MTUS2: variants seen among roughly 807,000 people sequenced by gnomAD.
The protein encoded by MTUS2 is microtubule-associated tumor suppressor candidate 2.
In MTUS2, 40 loss-of-function variants were observed where a neutral mutation model predicts 114.1. The ratio of observed to expected loss-of-function variants is 0.35; its 90% CI spans 0.27 to 0.46. The LOEUF is 0.46. MTUS2 is among the 20% of genes least tolerant of loss of function. The pLI, the probability that MTUS2 is intolerant of heterozygous loss-of-function variation, is 1.00. For missense variants in MTUS2, 1,679 were observed against 1,705.4 expected (o/e 0.98, Z 0.27); for synonymous variants, 688 against 672.0 (o/e 1.02, Z -0.37).
At position 29,024,956 on chromosome 13, in the gene MTUS2, A is replaced by G. The variant is rs777470138; in HGVS notation, c.258A>G (p.Lys86=). 2.5e-6 allele frequency: 4 copies of G among 1,613,674 alleles called. No homozygotes were observed. The highest frequency in any genetic ancestry group is 1.1e-5 in the South Asian group (1 of 91,032). ...KEFHQLQGFG[K]GSQAGSASLK... ...TTCACCAACTTCAGGGCTTTGGGAA[A>G]GGCTCTCAGGCTGGCTCTGCCAGCC... Residue 86 remains lysine, a synonymous_variant, in exon 3 of 16, where the codon AAA becomes AAG. Coordinates refer to ENST00000612955, the MANE Select transcript of MTUS2 (RefSeq NM_001033602.4).
chr13:29,048,220 GGTC>G (rs1887726118), intron 4 of MTUS2, among the ~76,000 whole-genome samples: 2 of 151,850 alleles, frequency 1.3e-5, no homozygotes, highest in Admixed American at 1.3e-4. Flanking sequence ...TTCTTATTTA[GGTC>G]CTTTTTATGT....
At chr13:29,290,010 G>A (rs558013664) in intron 6 of MTUS2, among the ~76,000 whole-genome samples, 9 of 152,216 alleles carry the variant, frequency 5.9e-5, no homozygotes, top group Admixed American at 5.9e-4. Context: ...TCAGAAACCT[G>A]CATTCACTAG....
At chr13:29,189,646 CTTGT>C (rs142671381) in intron 5 of MTUS2, among the ~76,000 whole-genome samples, 3,717 of 152,002 alleles carry the variant, frequency 0.024, 146 homozygotes, top group African/African-American at 0.084. Context: ...TCCACCATGT[CTTGT>C]TTGTTTTACT....
intron 8 of MTUS2, among the ~76,000 whole-genome samples, chr13:29,369,499 C>T (rs1871032747): frequency 6.6e-6 from 1 of 152,224 alleles, no homozygotes; most frequent in Non-Finnish European, 1.5e-5. Flanking sequence ...ATTAAGAACA[C>T]ACAGCTCAGC....
chr13:29,340,677 G>A (rs544579910), intron 7 of MTUS2, among the ~76,000 whole-genome samples: 3 of 152,088 alleles, frequency 2.0e-5, no homozygotes, highest in African/African-American at 7.2e-5. Context: ...GTAGTTTTTG[G>A]GGGAAAGGTG....
chr13:29,155,730 G>T (rs986213669), intron 5 of MTUS2, among the ~76,000 whole-genome samples: 1 of 152,002 alleles, frequency 6.6e-6, no homozygotes, highest in African/African-American at 2.4e-5. Flanking sequence ...TATATAAGCA[G>T]AAGTTGAATT....
At chr13:28,852,414 AG>A (rs1440350429) in intron 2 of MTUS2, among the ~76,000 whole-genome samples, 1 of 152,164 alleles carries the variant, frequency 6.6e-6, no homozygotes, top group Non-Finnish European at 1.5e-5. Context: ...TAGAAAAAAA[AG>A]TGAGTGAAAC....
chr13:29,054,821 T>C (rs1391139254), intron 4 of MTUS2, among the ~76,000 whole-genome samples: 1 of 152,170 alleles, frequency 6.6e-6, no homozygotes, highest in Non-Finnish European at 1.5e-5. Flanking sequence ...ATTTCTCTCA[T>C]GACATATTTG....
intron 1 of MTUS2, among the ~76,000 whole-genome samples, chr13:28,821,307 G>A (rs1873883523): frequency 6.6e-6 from 1 of 152,068 alleles, no homozygotes; most frequent in Non-Finnish European, 1.5e-5. Flanking sequence ...AAAGTCATTA[G>A]GTATAATTGT....
At chr13:29,379,111 C>T (rs1161981786) in intron 8 of MTUS2, among the ~76,000 whole-genome samples, 2 of 152,190 alleles carry the variant, frequency 1.3e-5, no homozygotes, top group East Asian at 1.9e-4. Flanking sequence ...CTGAGGCCTC[C>T]CCAGCCCTGC....
intron 2 of MTUS2, among the ~76,000 whole-genome samples, chr13:28,970,047 G>A (rs1168279538): frequency 2.6e-5 from 4 of 152,136 alleles, no homozygotes; most frequent in Admixed American, 1.3e-4. Flanking sequence ...CCCAAAGTGC[G>A]GGGATTACAG....
At chr13:29,435,197 G>A (rs535637695) in intron 8 of MTUS2, among the ~76,000 whole-genome samples, 1 of 152,318 alleles carries the variant, frequency 6.6e-6, no homozygotes, top group South Asian at 2.1e-4. Flanking sequence ...TTCCAGTGAA[G>A]CCTGTCATAG....
intron 1 of MTUS2, among the ~76,000 whole-genome samples, chr13:28,837,828 G>A (rs1379968405): frequency 1.3e-5 from 2 of 152,092 alleles, no homozygotes; most frequent in African/African-American, 4.8e-5. Flanking sequence ...CAACCCTGTA[G>A]TGGTCCACAG....
chr13:29,295,014 CA>C (rs1376183859), intron 6 of MTUS2, among the ~76,000 whole-genome samples: 2 of 152,296 alleles, frequency 1.3e-5, no homozygotes, highest in East Asian at 3.9e-4. Flanking sequence ...CTTTCCTACA[CA>C]ATGAGGCACA....
intron 8 of MTUS2, among the ~76,000 whole-genome samples, chr13:29,415,987 C>T (rs1301852879): frequency 2.0e-5 from 3 of 151,974 alleles, no homozygotes; most frequent in Admixed American, 2.0e-4. Context: ...GACACGATCT[C>T]AGCTTACTGC....
intron 8 of MTUS2, among the ~76,000 whole-genome samples, chr13:29,394,290 C>G (rs1348818980): frequency 6.6e-6 from 1 of 152,094 alleles, no homozygotes; most frequent in Non-Finnish European, 1.5e-5. Flanking sequence ...GGCAGACATC[C>G]ATCAATACCT....
At chr13:29,479,198 G>A (rs1880957616) in intron 9 of MTUS2, among the ~76,000 whole-genome samples, 2 of 152,236 alleles carry the variant, frequency 1.3e-5, no homozygotes, top group Admixed American at 6.5e-5. Flanking sequence ...ACAGAGCAGC[G>A]AGCATGGTAG....
At chr13:29,249,067 A>G (rs1593220744) in intron 5 of MTUS2, among the ~76,000 whole-genome samples, 1 of 152,214 alleles carries the variant, frequency 6.6e-6, no homozygotes, top group East Asian at 1.9e-4. Flanking sequence ...GACTCACTGC[A>G]ACTTCTGACT....
intron 2 of MTUS2, among the ~76,000 whole-genome samples, chr13:29,018,644 C>G (rs1174889380): frequency 6.6e-6 from 1 of 152,084 alleles, no homozygotes; most frequent in Non-Finnish European, 1.5e-5. Flanking sequence ...CCTGTAATCC[C>G]AGCTACTCAG....
Sources: allele counts gnomAD v4.1 joint callset (sites outside exome capture counted in the v4.1 genomes callset), GRCh38; gene constraint gnomAD v4.1.1; transcripts MANE v1.5; gene names NCBI Gene and HGNC (gene_info 2026-07-23, HGNC 2026-07-21).